The following IL20RB variants were observed in gnomAD, a reference collection of about 807,000 sequenced individuals.
IL20RB encodes the protein interleukin-20 receptor subunit beta.
A neutral mutation model predicts 33.3 loss-of-function variants in IL20RB; 21 were observed. The ratio of observed to expected loss-of-function variants is 0.63; its 90% CI spans 0.45 to 0.91. IL20RB has a LOEUF of 0.91. Among genes scored for constraint, IL20RB ranks in the 40% least tolerant of loss-of-function variants. The pLI, the probability that IL20RB is intolerant of heterozygous loss-of-function variation, is 0.00. For missense variants in IL20RB, 345 were observed against 384.8 expected (o/e 0.90, Z 0.86); for synonymous variants, 147 against 146.8 (o/e 1.00, Z -0.01).
At position 136,992,036 on chromosome 3, in the gene IL20RB, GGCCATTGGGAGGTACA is replaced by G; in HGVS notation, c.633_648del (p.Ile212ProfsTer29). ...GTGTGAAGGCCCAGACATTCGTGAA[GGCCATTGGGAGGTACA>G]GCGCCTTCAGCCAGACAGAATGTGT... On this transcript the variant is annotated frameshift_variant, in exon 5 of 7. Coordinates refer to ENST00000329582, the MANE Select transcript of IL20RB (RefSeq NM_144717.4). LOFTEE classifies it high-confidence loss of function. 1 of 1,614,208 alleles carries G rather than the reference GGCCATTGGGAGGTACA, an allele frequency of 6.2e-7. No homozygotes were observed.
At chr3:136,981,702 C>T (rs372128742) in intron 2 of IL20RB, among the ~76,000 whole-genome samples, 20 of 152,194 alleles carry the variant, frequency 1.3e-4, no homozygotes, top group East Asian at 3.8e-4. Context: ...AAGAATATCA[C>T]GCTTCGGAGC....
rs1042217520 is a variant in IL20RB, at chr3:136,971,315, G to A, written c.89-9151G>A. Among the ~76,000 whole-genome samples the A allele has an allele frequency of 2.6e-5, 4 of 152,212 alleles. No homozygotes were observed. The East Asian group carries it at 7.8e-4, about 30-fold the overall frequency. ...CCGGCTAATTTTTGTATTTTTAGTA[G>A]AGATGGGATTTCACCATGTTGGCCA... On this transcript the variant is annotated intron_variant, in intron 1 of 6. Coordinates refer to ENST00000329582, the MANE Select transcript of IL20RB (RefSeq NM_144717.4).
At chr3:136,979,645 C>A (rs1015359468) in intron 1 of IL20RB, among the ~76,000 whole-genome samples, 1 of 118,858 alleles carries the variant, frequency 8.4e-6, no homozygotes, top group African/African-American at 3.2e-5. Flanking sequence ...ATACTCTGGG[C>A]ACACTGTGTC....
intron 6 of IL20RB, among the ~76,000 whole-genome samples, chr3:137,002,923 A>T (rs546617832): frequency 1.3e-5 from 2 of 152,308 alleles, no homozygotes; most frequent in Admixed American, 1.3e-4. Flanking sequence ...TAAGTCTTTA[A>T]TCCATCTTGA....
chr3:136,991,100 G>C (rs1055691825), intron 4 of IL20RB, among the ~76,000 whole-genome samples: 8 of 152,182 alleles, frequency 5.3e-5, no homozygotes, highest in African/African-American at 1.9e-4. Flanking sequence ...GAGGTGGAAG[G>C]GTGAACAGAC....
At chr3:136,984,521 A>C (rs1469311743) in intron 3 of IL20RB, among the ~76,000 whole-genome samples, 1 of 151,890 alleles carries the variant, frequency 6.6e-6, no homozygotes, top group African/African-American at 2.4e-5. Flanking sequence ...TTCTGTTGTG[A>C]AAGATGGTGG....
At chr3:136,989,268 G>C (rs1001270651) in intron 3 of IL20RB, among the ~76,000 whole-genome samples, 173 bp from the exon 4 acceptor site, 2 of 152,206 alleles carry the variant, frequency 1.3e-5, no homozygotes, top group Non-Finnish European at 2.9e-5. Context: ...CTGAGCACCT[G>C]CTGCATACAG....
At chr3:136,981,992 G>A (rs1941786526) in intron 2 of IL20RB, 168 bp from the exon 3 acceptor site, 2 of 445,548 alleles carry the variant, frequency 4.5e-6, no homozygotes, top group Non-Finnish European at 8.1e-6. Flanking sequence ...AAAGGAGTAA[G>A]GGACGATGGA....
At chr3:137,007,795 G>A (rs1386181930) in intron 6 of IL20RB, among the ~76,000 whole-genome samples, 5 of 152,136 alleles carry the variant, frequency 3.3e-5, no homozygotes, top group African/African-American at 9.7e-5. Context: ...GGGCTGCACC[G>A]ACTGTCCAAC....
At chr3:136,986,878 G>A (rs897035691) in intron 3 of IL20RB, 2 of 403,648 alleles carry the variant, frequency 5.0e-6, no homozygotes, top group Admixed American at 5.6e-5. Context: ...TGGGTTCCTA[G>A]TCTCGCTGGC....
chr3:136,977,792 C>T (rs1451530906), intron 1 of IL20RB, among the ~76,000 whole-genome samples: 1 of 152,172 alleles, frequency 6.6e-6, no homozygotes, highest in East Asian at 1.9e-4. Flanking sequence ...TCCCAGAGTG[C>T]TGGGTTTACA....
At chr3:136,981,127 A>G (rs989624913) in intron 2 of IL20RB, among the ~76,000 whole-genome samples, 1 of 152,184 alleles carries the variant, frequency 6.6e-6, no homozygotes, top group Non-Finnish European at 1.5e-5. Flanking sequence ...ATGTGTAGAC[A>G]TTCTTCTAGG....
rs539150020 is a variant in IL20RB, at chr3:136,977,523, A to G, written c.89-2943A>G. Reference sequence around the variant, plus strand: ...CTGTGTATGTGTTTGTTGCTGGTATATAGAAATATAATTTTTTTTTGAGAT... The same window carrying G: ...CTGTGTATGTGTTTGTTGCTGGTATGTAGAAATATAATTTTTTTTTGAGAT... On this transcript the variant is annotated intron_variant, in intron 1 of 6. Coordinates refer to ENST00000329582, the MANE Select transcript of IL20RB (RefSeq NM_144717.4). Among the ~76,000 whole-genome samples, 268 of 152,152 alleles carry G rather than the reference A, an allele frequency of 1.8e-3. 1 individual carries two copies. The Middle Eastern group carries it at 0.02, about 12-fold the overall frequency.
At chr3:136,986,208 A>G (rs1941893720) in intron 3 of IL20RB, among the ~76,000 whole-genome samples, 1 of 148,120 alleles carries the variant, frequency 6.8e-6, no homozygotes, top group Non-Finnish European at 1.5e-5. Context: ...GCGAGACTCC[A>G]TCTCAAATAA....
At chr3:136,958,387 T>G (rs554227052) in intron 1 of IL20RB, among the ~76,000 whole-genome samples, 186 bp downstream of exon 1, 2 of 152,374 alleles carry the variant, frequency 1.3e-5, no homozygotes, top group African/African-American at 4.8e-5. Flanking sequence ...GCATTCTGTT[T>G]GGAAATCTCT....
intron 5 of IL20RB, 123 bp from the exon 6 acceptor site, chr3:136,995,291 A>G (rs989611136): frequency 1.7e-6 from 2 of 1,143,944 alleles, no homozygotes; most frequent in African/African-American, 3.1e-5. Context: ...AAATCTCAGG[A>G]TTCTGTTATC....
intron 6 of IL20RB, among the ~76,000 whole-genome samples, chr3:136,999,596 T>C (rs1236077955): frequency 6.6e-6 from 1 of 151,656 alleles, no homozygotes; most frequent in Admixed American, 6.6e-5. Flanking sequence ...TCTCCTTCTG[T>C]GAGTCCAATC....
rs370754116 is a variant in IL20RB at position 136,961,786 on chromosome 3, T to C, written c.88+3585T>C. Among the ~76,000 whole-genome samples, 58 of 152,260 alleles carry C rather than the reference T, an allele frequency of 3.8e-4. 1 individual carries two copies. Among genetic ancestry groups the C allele is most frequent in the African/African-American group, 1.3e-3 (55 of 41,546 alleles). ...CATAAGATGTTAGCATTCAGGGAAG[T>C]TGGGTGAAGGATGTATAGGAATGCT... is the stretch of plus-strand genomic sequence containing the variant. On this transcript the variant is annotated intron_variant, in intron 1 of 6. Coordinates refer to ENST00000329582, the MANE Select transcript of IL20RB (RefSeq NM_144717.4).
At chr3:137,007,745 G>A (rs963634404) in intron 6 of IL20RB, among the ~76,000 whole-genome samples, 1 of 152,176 alleles carries the variant, frequency 6.6e-6, no homozygotes, top group Non-Finnish European at 1.5e-5. Context: ...GTGCTTCCCG[G>A]GTAAGGCGAT....
Sources: gnomAD v4.1 joint callset for allele counts (sites outside exome capture counted in the v4.1 genomes callset) on GRCh38, gnomAD v4.1.1 for gene constraint, MANE v1.5 for transcripts, NCBI Gene and HGNC (gene_info 2026-07-23, HGNC 2026-07-21) for gene names.